Variants in TRIM13 observed in about 807,000 individuals in gnomAD.
TRIM13 encodes tripartite motif containing 13.
Under a neutral mutation model 27.1 loss-of-function variants are expected in TRIM13, and 15 were observed. The observed-to-expected ratio is 0.55, with a 90% confidence interval of 0.37 to 0.85. The LOEUF is 0.85. TRIM13 is among the 40% of genes least tolerant of loss of function. TRIM13 has a pLI of 0.00. For missense variants in TRIM13, 402 were observed against 472.2 expected, an observed-to-expected ratio of 0.85 and a Z score of 1.38; for synonymous variants, 193 against 171.5, an observed-to-expected ratio of 1.13 and a Z score of -0.98.
At position 50,014,313 on chromosome 13, in the gene TRIM13, C is replaced by CAAAAAAAAAAAAAA. The variant is rs1173935698; in HGVS notation, c.*1168_*1181dup. The CAAAAAAAAAAAAAA allele has an allele frequency of 5.2e-5, 1 of 19,294 alleles. No homozygotes were observed. Among genetic ancestry groups the CAAAAAAAAAAAAAA allele is most frequent in the Non-Finnish European group, 1.0e-4 (1 of 9,906 alleles). The allele number at this position is 19,294 out of a possible 1,614,324, so 1.2% of individuals were successfully genotyped here. Reference sequence around the variant, plus strand: ...AAACATAGCAAGACCCAGTCTCTACCAAAAAAAAAAAAAAAAAAAAAAAAA... The same window carrying CAAAAAAAAAAAAAA: ...AAACATAGCAAGACCCAGTCTCTACCAAAAAAAAAAAAAAAAAAAAAAAAAAAAAAAAAAAAAAA... On this transcript the variant is annotated 3_prime_UTR_variant, in exon 2 of 2. Transcript: ENST00000378182.
At position 50,013,715 on chromosome 13, in the gene TRIM13, G is replaced by C. The variant is rs551274791; in HGVS notation, c.*551G>C. The C allele has an allele frequency of 6.0e-6, 1 of 165,770 alleles. No homozygotes were observed. The highest frequency in any genetic ancestry group is 1.9e-4 in the East Asian group (1 of 5,164). The allele number at this position is 165,770 out of a possible 1,614,324, so 10.3% of individuals were successfully genotyped here. A position where few individuals can be genotyped will look rare whatever the true frequency, so the allele number is the denominator to read the frequency against. ...TTTTTTGTATTTTTAGTTGAGACAGGGTTTCACTGTCCCTTAAGACCATCC... is the reference window on the plus strand; with the variant it reads ...TTTTTTGTATTTTTAGTTGAGACAGCGTTTCACTGTCCCTTAAGACCATCC... On this transcript the variant is annotated 3_prime_UTR_variant, in exon 2 of 2. Transcript: ENST00000378182.
Position 50,009,020 on chromosome 13 carries a change from C to CAAAAAAA in TRIM13, c.-6-2898_-6-2892dup, listed in dbSNP as rs35407149. Among the ~76,000 whole-genome samples the CAAAAAAA allele has an allele frequency of 5.9e-5, 4 of 68,056 alleles. 1 individual carries two copies. Among genetic ancestry groups the CAAAAAAA allele is most frequent in the South Asian group, 6.6e-4 (1 of 1,512 alleles). 44.6% of individuals were successfully genotyped at this position (68,056 alleles called of 152,430 possible). A position where few individuals can be genotyped will look rare whatever the true frequency, so the allele number is the denominator to read the frequency against. On this transcript the variant is annotated intron_variant, in intron 1 of 1. Transcript: ENST00000378182. ...TCCAGCCTGGGTGAAAAAGCTGTCTCAAAAAAAAAAAAAAAAAAAAAAAGA... is the reference window on the plus strand; with the variant it reads ...TCCAGCCTGGGTGAAAAAGCTGTCTCAAAAAAAAAAAAAAAAAAAAAAAAAAAAAAGA...
intron 1 of TRIM13, among the ~76,000 whole-genome samples, chr13:50,007,170 G>A (rs1382856796): frequency 1.4e-5 from 2 of 143,904 alleles, no homozygotes; most frequent in African/African-American, 2.6e-5. Context: ...GTGACGAAGT[G>A]AGACTCTGTC....
At chr13:50,009,838 G>T (rs1166067763) in intron 1 of TRIM13, among the ~76,000 whole-genome samples, 1 of 151,664 alleles carries the variant, frequency 6.6e-6, no homozygotes, top group Non-Finnish European at 1.5e-5. Context: ...TACTTGGGAG[G>T]ATCTCACTTG....
rs1329984839 is a variant in TRIM13, at chr13:50,013,014, G to A, written c.1074G>A (p.Leu358=). Residue 358 remains leucine, a synonymous_variant, in exon 2 of 2, where the codon CTG becomes CTA. Coordinates refer to ENST00000378182, the MANE Select transcript of TRIM13 (RefSeq NM_213590.3). ...GTCTTTCAAACTTCAGTTCCTATCT[G>A]ACTAAAACAGCCGATTTCATAGAAC... ...KGCLSNFSSY[L]TKTADFIEQS... The A allele has an allele frequency of 1.9e-6, 3 of 1,613,916 alleles. No homozygotes were observed. The Admixed American group carries it at 5.0e-5, about 27-fold the overall frequency.
chr13:50,010,758 AT>A (rs1048146666), intron 1 of TRIM13, among the ~76,000 whole-genome samples: 8 of 151,952 alleles, frequency 5.3e-5, no homozygotes, highest in Non-Finnish European at 1.2e-4. Flanking sequence ...TAGCAAGCTC[AT>A]TTTTTTTCCC....
rs1203387601 is a variant in TRIM13, at chr13:50,015,071, GTAA to G, written c.*1911_*1913del. 9.7e-5 allele frequency: 6 copies of G among 61,784 alleles called. No homozygotes were observed. The highest frequency in any genetic ancestry group is 2.0e-3 in the East Asian group (1 of 508). 3.8% of individuals were successfully genotyped at this position (61,784 alleles called of 1,614,324 possible). A position where few individuals can be genotyped will look rare whatever the true frequency, so the allele number is the denominator to read the frequency against. On this transcript the variant is annotated 3_prime_UTR_variant, in exon 2 of 2. Transcript: ENST00000378182. ...GAGGGAGAATGCTTTTCCCCTCCCA[GTAA>G]TAAAAAAAAAAAAAAAAAAAATATA... is the stretch of plus-strand genomic sequence containing the variant.
At chr13:50,006,732 T>A (rs1487176228) in intron 1 of TRIM13, among the ~76,000 whole-genome samples, 2 of 152,128 alleles carry the variant, frequency 1.3e-5, no homozygotes, top group African/African-American at 4.8e-5. Context: ...TTTTCAGAGG[T>A]TATATGATTT....
chr13:50,002,379 A>G (rs981346236), intron 1 of TRIM13, among the ~76,000 whole-genome samples: 2 of 94,984 alleles, frequency 2.1e-5, no homozygotes, highest in African/African-American at 5.4e-5. Flanking sequence ...ACAGAGCAAG[A>G]CTGTCTCAAA....
rs117853487 is a variant in TRIM13, at chr13:50,007,908, C to T, written c.-6-4027C>T. On this transcript the variant is annotated intron_variant, in intron 1 of 1. Transcript: ENST00000378182. ...TTGAAATTACTGTTAAAAAAGTATT[C>T]GCTTTTTTTTTTTTGAGACAGAGTA... 8.5e-3 allele frequency among the ~76,000 whole-genome samples: 1,280 copies of T among 151,164 alleles called. 44 individuals are homozygous for T. In the East Asian group the frequency reaches 0.13, roughly 15 times the overall value.
Position 50,001,717 on chromosome 13 carries a change from A to G in TRIM13, c.-7+3954A>G, listed in dbSNP as rs561893044. On this transcript the variant is annotated intron_variant, in intron 1 of 1. Coordinates refer to ENST00000378182, the MANE Select transcript of TRIM13 (RefSeq NM_213590.3). ...TCATTTTTAGAGGTATTGAAATCTGATATTTCTTACTTTGTCCTGTTTTGA... is the reference window on the plus strand; with the variant it reads ...TCATTTTTAGAGGTATTGAAATCTGGTATTTCTTACTTTGTCCTGTTTTGA... 2.7e-4 allele frequency among the ~76,000 whole-genome samples: 41 copies of G among 152,268 alleles called. 1 individual carries two copies. The South Asian group carries it at 7.9e-3, about 29-fold the overall frequency.
chr13:49,998,080 A>G (rs1790169763), intron 1 of TRIM13, among the ~76,000 whole-genome samples: 1 of 152,032 alleles, frequency 6.6e-6, no homozygotes, highest in South Asian at 2.1e-4. Flanking sequence ...TAGGGCTTGT[A>G]GAACAGGGCT....
In TRIM13 at chr13:50,012,042, A is replaced by G. The variant is rs750851572; in HGVS notation, c.102A>G (p.Leu34=). 1 of 1,614,108 alleles carries G rather than the reference A, an allele frequency of 6.2e-7. No homozygotes were observed. The highest frequency in any genetic ancestry group is 8.5e-7 in the Non-Finnish European group (1 of 1,180,012). Residue 34 remains leucine, a synonymous_variant, in exon 2 of 2, where the codon TTA becomes TTG. Transcript: ENST00000378182. ...PCSHNFCKKC[L]EGILEGSVRN... ...CCCACAACTTCTGCAAAAAATGCTTAGAAGGTATCTTAGAAGGGAGTGTGC... is the reference window on the plus strand; with the variant it reads ...CCCACAACTTCTGCAAAAAATGCTTGGAAGGTATCTTAGAAGGGAGTGTGC...
rs1476098458 is a variant in TRIM13, at chr13:50,015,056, G to T, written c.*1892G>T. 1 of 130,386 alleles carries T rather than the reference G, an allele frequency of 7.7e-6. No homozygotes were observed. The highest frequency in any genetic ancestry group is 1.7e-5 in the Non-Finnish European group (1 of 59,338). The allele number at this position is 130,386 out of a possible 1,614,324, so 8.1% of individuals were successfully genotyped here. On this transcript the variant is annotated 3_prime_UTR_variant, in exon 2 of 2. Coordinates refer to ENST00000378182, the MANE Select transcript of TRIM13 (RefSeq NM_213590.3). The stretch of plus-strand genomic sequence containing the variant: ...GTAGACAGGTATGGGGAGGGAGAAT[G>T]CTTTTCCCCTCCCAGTAATAAAAAA...
At position 50,017,488 on chromosome 13, in the gene TRIM13, A is replaced by G. The variant is rs1356225499; in HGVS notation, c.*4324A>G. 3.0e-5 allele frequency: 5 copies of G among 167,254 alleles called. No homozygotes were observed. In the Middle Eastern group the frequency reaches 0.014, roughly 452 times the overall value. The allele number at this position is 167,254 out of a possible 1,614,324, so 10.4% of individuals were successfully genotyped here. On this transcript the variant is annotated 3_prime_UTR_variant, in exon 2 of 2. Transcript: ENST00000378182. ...TATGTTGTGTTTTAGAAACAGCACG[A>G]AAGTTTTTTCCATTTTAAAGTGAGA...
chr13:50,014,167 G>A lies in TRIM13; in HGVS notation c.*1003G>A, dbSNP rs1329150806. The A allele has an allele frequency of 6.1e-6, 1 of 164,592 alleles. No individual in the cohort carries two copies. The highest frequency in any genetic ancestry group is 2.5e-5 in the African/African-American group (1 of 40,704). 10.2% of individuals were successfully genotyped at this position (164,592 alleles called of 1,614,324 possible). On this transcript the variant is annotated 3_prime_UTR_variant, in exon 2 of 2. Transcript: ENST00000378182. ...GGCTATGCAAGCAAAAGCATAGATA[G>A]GTTAAAAAAAAGGATCAGCTGGCTG...
chr13:50,002,099 G>A (rs906771447), intron 1 of TRIM13, among the ~76,000 whole-genome samples: 31 of 152,168 alleles, frequency 2.0e-4, no homozygotes, highest in South Asian at 8.3e-4. Context: ...TATGAAAGAT[G>A]AAACCATAGG....
At chr13:50,008,201 C>T (rs762567423) in intron 1 of TRIM13, among the ~76,000 whole-genome samples, 46 of 152,000 alleles carry the variant, frequency 3.0e-4, no homozygotes, top group African/African-American at 9.7e-4. Context: ...CACCCGTGCC[C>T]GGCCAAGTAT....
chr13:50,011,003 A>G (rs535014255), intron 1 of TRIM13, among the ~76,000 whole-genome samples: 4 of 152,316 alleles, frequency 2.6e-5, no homozygotes, highest in African/African-American at 9.6e-5. Context: ...AATAAAATGA[A>G]TAATTTTTAC....
Sources: gnomAD v4.1 joint callset for allele counts (sites outside exome capture counted in the v4.1 genomes callset) on GRCh38, gnomAD v4.1.1 for gene constraint, MANE v1.5 for transcripts, NCBI Gene and HGNC (gene_info 2026-07-23, HGNC 2026-07-21) for gene names.